HAUS8: variants seen among roughly 807,000 people sequenced by gnomAD.
HAUS8 encodes HAUS augmin like complex subunit 8.
In HAUS8, 38 loss-of-function variants were observed where a neutral mutation model predicts 42.9. The observed-to-expected ratio is 0.89, with a 90% CI of 0.68 to 1.16. The LOEUF (loss-of-function observed/expected upper bound fraction) is 1.16, where lower values mean the gene tolerates loss of function less well. Ranked by LOEUF, HAUS8 falls within the 50% of genes most tolerant of loss-of-function variation. The pLI is 0.00. For missense variants in HAUS8, 494 were observed against 511.6 expected (o/e 0.97, Z 0.33); for synonymous variants, 199 against 205.8 (o/e 0.97, Z 0.28).
chr19:17,049,895 C>CGA lies in HAUS8; in HGVS notation c.1209_1210dup (p.Arg404LeufsTer27), dbSNP rs751603187. 9 of 1,498,190 alleles carry CGA rather than the reference C, an allele frequency of 6.0e-6. No individual in the cohort carries two copies. In the South Asian group the frequency reaches 9.7e-5, roughly 16 times the overall value. The allele number at this position is 1,498,190 out of a possible 1,614,324, so 92.8% of individuals were successfully genotyped here. A position where few individuals can be genotyped will look rare whatever the true frequency, so the allele number is the denominator to read the frequency against. Reference sequence around the variant, plus strand: ...GAGTCATGACAAGTCCCTCCCTGAACGAGAGAGAGAGGGCGGGACTTCTGC... The same window carrying CGA: ...GAGTCATGACAAGTCCCTCCCTGAACGAGAGAGAGAGAGGGCGGGACTTCTGC... On this transcript the variant is annotated frameshift_variant, in exon 11 of 11. Coordinates refer to ENST00000253669, the MANE Select transcript of HAUS8 (RefSeq NM_033417.2). LOFTEE classifies it low-confidence loss of function (END_TRUNC).
chr19:17,058,518 C>T (rs1568636504), intron 8 of HAUS8, 31 bp downstream of exon 8: 21 of 1,554,286 alleles, frequency 1.4e-5, no homozygotes, highest in Non-Finnish European at 1.8e-5. Context: ...AGGGAACACT[C>T]ACTGGTCACA....
chr19:17,070,543 G>A (rs934071224), intron 2 of HAUS8, among the ~76,000 whole-genome samples: 1 of 152,146 alleles, frequency 6.6e-6, no homozygotes, highest in Non-Finnish European at 1.5e-5. Flanking sequence ...GCATCCCCCT[G>A]CAGGCACCTC....
intron 3 of HAUS8, among the ~76,000 whole-genome samples, chr19:17,065,941 C>A (rs975633422): frequency 2.0e-5 from 3 of 150,854 alleles, no homozygotes; most frequent in African/African-American, 7.3e-5. Flanking sequence ...CGCCTTCCCC[C>A]CATATCTCAC....
In HAUS8 at chr19:17,055,886, C is replaced by A. The variant is rs1285948105; in HGVS notation, c.762G>T (p.Leu254=). Residue 254 remains leucine, a synonymous_variant, in exon 9 of 11, where the codon CTG becomes CTT. Coordinates refer to ENST00000253669, the MANE Select transcript of HAUS8 (RefSeq NM_033417.2). The part of the protein sequence containing the change: ...RHELPVRSIH[L]EGDGQQLLDA... The stretch of plus-strand genomic sequence containing the variant: ...CTAAGAGCTGCTGCCCATCTCCCTC[C>A]AGGTGGATGGACCTCACGGGCAGCT... 1.2e-6 allele frequency: 2 copies of A among 1,614,024 alleles called. No homozygotes were observed. Among genetic ancestry groups the A allele is most frequent in the Admixed American group, 1.7e-5 (1 of 60,010 alleles).
chr19:17,069,830 A>G lies in HAUS8; in HGVS notation c.92-744T>C, dbSNP rs560081955. The stretch of plus-strand genomic sequence containing the variant: ...CAGCAGGTGACCTGTTTCCTCCTTC[A>G]CTGGGAAGACAGAAGTGGCCCCAGG... On this transcript the variant is annotated intron_variant, in intron 2 of 10. Transcript: ENST00000253669. Among the ~76,000 whole-genome samples, 8 of 151,396 alleles carry G rather than the reference A, an allele frequency of 5.3e-5. No homozygotes were observed. The East Asian group carries it at 7.8e-4, about 15-fold the overall frequency.
intron 10 of HAUS8, chr19:17,052,509 T>C (rs1048499730): frequency 1.9e-4 from 42 of 219,612 alleles, no homozygotes; most frequent in African/African-American, 9.6e-4. Flanking sequence ...GCCCAGCAAT[T>C]TGAGGTTGCA....
chr19:17,072,754 C>A (rs147917898), intron 2 of HAUS8, among the ~76,000 whole-genome samples: 1 of 151,736 alleles, frequency 6.6e-6, no homozygotes, highest in African/African-American at 2.4e-5. Flanking sequence ...GATCCCAGAC[C>A]GATAGGTGGA....
intron 1 of HAUS8, chr19:17,073,736 G>A (rs1358064492): frequency 9.3e-6 from 2 of 214,654 alleles, no homozygotes; most frequent in African/African-American, 4.6e-5. Flanking sequence ...CAGGTACGAG[G>A]AGTGGTCCCA....
chr19:17,063,914 T>A (rs573848543), intron 3 of HAUS8, among the ~76,000 whole-genome samples: 1 of 152,306 alleles, frequency 6.6e-6, no homozygotes, highest in East Asian at 1.9e-4. Context: ...AGACAGCAGA[T>A]CCTGGGATTT....
chr19:17,074,974 G>A (rs893952696), intron 1 of HAUS8: 2 of 196,570 alleles, frequency 1.0e-5, no homozygotes, highest in African/African-American at 4.6e-5. Flanking sequence ...GAGGATTAAA[G>A]GGGACACTTT....
chr19:17,058,411 C>G lies in HAUS8; in HGVS notation c.645+138G>C, dbSNP rs536919706. 5.7e-4 allele frequency: 439 copies of G among 774,958 alleles called. 1 individual carries two copies. The highest frequency in any genetic ancestry group is 8.3e-4 in the Non-Finnish European group (404 of 489,640). The allele number at this position is 774,958 out of a possible 1,614,324, so 48.0% of individuals were successfully genotyped here. ...TCATAGACCAACACCAGGACCAGAG[C>G]AAGTGTGGCATTAAAAGCCCAACAC... On this transcript the variant is annotated intron_variant, in intron 8 of 10. Transcript: ENST00000253669.
At chr19:17,060,142 C>A in intron 4 of HAUS8, 50 bp from the exon 5 acceptor site, 2 of 1,307,620 alleles carry the variant, frequency 1.5e-6, no homozygotes, top group Non-Finnish European at 1.1e-6. Context: ...AGACACTCTC[C>A]ATTCAAGCCA....
chr19:17,049,912 G>T lies in HAUS8; in HGVS notation c.1194C>A (p.Val398=). ...EDFSSSSQAE[V]PPSLSRSGRD... is the part of the protein sequence containing the mutation. ...TCCCTGAACGAGAGAGAGAGGGCGGGACTTCTGCCTGGCTGCTTGAAGAAA... is the reference window on the plus strand; with the variant it reads ...TCCCTGAACGAGAGAGAGAGGGCGGTACTTCTGCCTGGCTGCTTGAAGAAA... The change falls in exon 11 of 11, where the codon GTC becomes GTA. Residue 398 remains valine (V), a synonymous_variant. Transcript: ENST00000253669. 1 of 1,528,792 alleles carries T rather than the reference G, an allele frequency of 6.5e-7. No individual in the cohort carries two copies. The highest frequency in any genetic ancestry group is 1.4e-5 in the African/African-American group (1 of 72,394). 94.7% of individuals were successfully genotyped at this position (1,528,792 alleles called of 1,614,324 possible).
At chr19:17,053,576 AG>A (rs34353978) in intron 9 of HAUS8, 22,155 of 152,268 alleles carry the variant, frequency 0.15, 1,864 homozygotes, top group Non-Finnish European at 0.2. Context: ...AACCAGAAAC[AG>A]GGTTTTGTGG....
At chr19:17,060,230 A>G (rs1186645008) in intron 4 of HAUS8, 138 bp from the exon 5 acceptor site, 1 of 402,204 alleles carries the variant, frequency 2.5e-6, no homozygotes, top group Non-Finnish European at 4.6e-6. Context: ...AAGGCTAAAA[A>G]AAAAAAAAAA....
intron 9 of HAUS8, among the ~76,000 whole-genome samples, chr19:17,054,578 G>C (rs1447136261): frequency 6.6e-6 from 1 of 152,104 alleles, no homozygotes; most frequent in Non-Finnish European, 1.5e-5. Context: ...AAGGCGGGCA[G>C]ATCACCTGAG....
At chr19:17,062,272 T>C (rs764118853) in intron 4 of HAUS8, among the ~76,000 whole-genome samples, 8 of 152,190 alleles carry the variant, frequency 5.3e-5, no homozygotes, top group Non-Finnish European at 1.0e-4. Context: ...GCTGGGATTA[T>C]AGGCGTGTGC....
chr19:17,060,833 G>C (rs982446457), intron 4 of HAUS8, among the ~76,000 whole-genome samples: 3 of 152,190 alleles, frequency 2.0e-5, no homozygotes, highest in African/African-American at 4.8e-5. Context: ...ATGGGCACTA[G>C]CATACAGCAT....
chr19:17,062,422 A>C (rs1452227250), intron 4 of HAUS8, among the ~76,000 whole-genome samples: 1 of 152,118 alleles, frequency 6.6e-6, no homozygotes, highest in Non-Finnish European at 1.5e-5. Context: ...CAGTGGGAAA[A>C]CAGTCACATA....
Sources: allele counts gnomAD v4.1 joint callset (sites outside exome capture counted in the v4.1 genomes callset), GRCh38; gene constraint gnomAD v4.1.1; transcripts MANE v1.5; gene names NCBI Gene and HGNC (gene_info 2026-07-23, HGNC 2026-07-21).